SMCP: variants seen among roughly 807,000 people sequenced by gnomAD.
SMCP encodes sperm mitochondrial-associated cysteine-rich protein.
For missense variants in SMCP, 137 were observed against 137.1 expected (o/e 1.00, Z 0.01); for synonymous variants, 41 against 46.9 (o/e 0.87, Z 0.51).
chr1:152,879,499 G>A (rs559814290), intron 1 of SMCP, among the ~76,000 whole-genome samples: 1 of 152,168 alleles, frequency 6.6e-6, no homozygotes, highest in Non-Finnish European at 1.5e-5. Flanking sequence ...GGGACAACAG[G>A]TGTGAGCCAT....
intron 1 of SMCP, among the ~76,000 whole-genome samples, chr1:152,882,280 A>G (rs1359670570): frequency 2.0e-5 from 3 of 152,112 alleles, no homozygotes; most frequent in Non-Finnish European, 4.4e-5. Context: ...CCTCCCCCAG[A>G]AAGACTTTAA....
chr1:152,880,651 G>A (rs1326673524), intron 1 of SMCP, among the ~76,000 whole-genome samples: 1 of 152,080 alleles, frequency 6.6e-6, no homozygotes, highest in Non-Finnish European at 1.5e-5. Context: ...TCCTTTAGGA[G>A]TCTTTGCTCT....
intron 1 of SMCP, among the ~76,000 whole-genome samples, chr1:152,881,310 C>A (rs1649035014): frequency 6.6e-6 from 1 of 152,146 alleles, no homozygotes; most frequent in Admixed American, 6.5e-5. Flanking sequence ...AACCACCTGA[C>A]TGGAGAATCC....
intron 1 of SMCP, among the ~76,000 whole-genome samples, chr1:152,879,554 A>G (rs2101621634): frequency 6.6e-6 from 1 of 152,216 alleles, no homozygotes; most frequent in African/African-American, 2.4e-5. Flanking sequence ...CTCTTGCAGG[A>G]GGCAGAGGGG....
intron 1 of SMCP, among the ~76,000 whole-genome samples, chr1:152,881,338 GGAT>G (rs1257251423): frequency 2.6e-5 from 4 of 152,234 alleles, no homozygotes; most frequent in Admixed American, 6.5e-5. Flanking sequence ...CTTCAGGAGA[GGAT>G]GATACAGATT....
At chr1:152,878,855 T>C (rs1648948673) in intron 1 of SMCP, among the ~76,000 whole-genome samples, 1 of 152,164 alleles carries the variant, frequency 6.6e-6, no homozygotes, top group South Asian at 2.1e-4. Flanking sequence ...TCAGTGAGCA[T>C]GTGGGGACAG....
intron 1 of SMCP, among the ~76,000 whole-genome samples, chr1:152,882,451 G>A (rs1204239532): frequency 1.3e-5 from 2 of 152,170 alleles, no homozygotes; most frequent in East Asian, 3.9e-4. Flanking sequence ...ATAGGATAGA[G>A]GGCAAGTAGG....
At position 152,884,552 on chromosome 1, in the gene SMCP, C is replaced by A; in HGVS notation, c.130C>A (p.Gln44Lys). 1 of 1,614,122 alleles carries A rather than the reference C, an allele frequency of 6.2e-7. No homozygotes were observed. The highest frequency in any genetic ancestry group is 8.5e-7 in the Non-Finnish European group (1 of 1,180,014). ...CCCACCAAAACAGAACCAGTGCTGC[C>A]AGCCAAAAGGCAGTCAATGCTGCCC... is the stretch of plus-strand genomic sequence containing the variant. ...CCPPKQNQCC[Q>K]PKGSQCCPPK... The change falls in exon 2 of 2, where the codon CAG becomes AAG. Residue 44 changes from glutamine to lysine, a missense_variant. Coordinates refer to ENST00000368765, the MANE Select transcript of SMCP (RefSeq NM_030663.3).
rs141407380 is a variant in SMCP at position 152,884,031 on chromosome 1, T to C, written c.-20-372T>C. On this transcript the variant is annotated intron_variant, in intron 1 of 1. Coordinates refer to ENST00000368765, the MANE Select transcript of SMCP (RefSeq NM_030663.3). ...TATGAAGTGAAGTGGACTAAAAATG[T>C]CTACCTCAGGCTGGTAGCCGTTATA... Among the ~76,000 whole-genome samples, 46 of 152,314 alleles carry C rather than the reference T, an allele frequency of 3.0e-4. No homozygotes were observed. The East Asian group carries it at 8.7e-3, about 29-fold the overall frequency.
intron 1 of SMCP, among the ~76,000 whole-genome samples, chr1:152,879,152 G>A (rs901259405): frequency 6.6e-6 from 1 of 152,216 alleles, no homozygotes; most frequent in Non-Finnish European, 1.5e-5. Context: ...CCTGAGGCAG[G>A]CTGTGCACAG....
intron 1 of SMCP, among the ~76,000 whole-genome samples, chr1:152,879,774 G>A (rs911866391): frequency 6.6e-6 from 1 of 152,134 alleles, no homozygotes; most frequent in African/African-American, 2.4e-5. Context: ...GTCCTTCTCT[G>A]ATATTGCACA....
Position 152,884,410 on chromosome 1 carries a change from A to G in SMCP, c.-13A>G. 1 of 1,613,520 alleles carries G rather than the reference A, an allele frequency of 6.2e-7. No homozygotes were observed. Among genetic ancestry groups the G allele is most frequent in the Non-Finnish European group, 8.5e-7 (1 of 1,179,490 alleles). ...ATTATTTTCTTTTTCTAGTACCTCC[A>G]AGTGTTCAGAAGATGTGTGACCAGA... On this transcript the variant is annotated 5_prime_UTR_variant, in exon 2 of 2. Transcript: ENST00000368765.
chr1:152,878,856 G>A (rs1648948761), intron 1 of SMCP, among the ~76,000 whole-genome samples: 1 of 152,218 alleles, frequency 6.6e-6, no homozygotes, highest in Admixed American at 6.5e-5. Context: ...CAGTGAGCAT[G>A]TGGGGACAGA....
In SMCP at chr1:152,879,238, T is replaced by G. The variant is rs185249958; in HGVS notation, c.-21+792T>G. On this transcript the variant is annotated intron_variant, in intron 1 of 1. Transcript: ENST00000368765. ...TGTTTGTTTCTTTTTATTTATTTAT[T>G]GAGATGGAGTCTCACTCTGTCACCC... 2.7e-3 allele frequency among the ~76,000 whole-genome samples: 417 copies of G among 152,332 alleles called. 1 individual carries two copies. The highest frequency in any genetic ancestry group is 9.5e-3 in the African/African-American group (393 of 41,560).
chr1:152,884,437 A>G lies in SMCP; in HGVS notation c.15A>G (p.Thr5=). Residue 5 remains threonine (T), a synonymous_variant, in exon 2 of 2, where the codon ACA becomes ACG. Coordinates refer to ENST00000368765, the MANE Select transcript of SMCP (RefSeq NM_030663.3). ...GTGTTCAGAAGATGTGTGACCAGAC[A>G]AAACACAGTAAATGCTGCCCAGCAA... MCDQ[T]KHSKCCPAKG... 1 of 1,614,242 alleles carries G rather than the reference A, an allele frequency of 6.2e-7. No homozygotes were observed. The highest frequency in any genetic ancestry group is 8.5e-7 in the Non-Finnish European group (1 of 1,180,042).
In SMCP at chr1:152,884,935, T is replaced by C. The variant is rs570813317; in HGVS notation, c.*162T>C. 3.0e-5 allele frequency: 20 copies of C among 660,284 alleles called. No homozygotes were observed. Among genetic ancestry groups the C allele is most frequent in the Admixed American group, 5.9e-5 (2 of 33,924 alleles). The allele number at this position is 660,284 out of a possible 1,614,324, so 40.9% of individuals were successfully genotyped here. ...AGAGGCTCCTATTTCCCATCATAGC[T>C]CCCTACCCTAGGGAGGCCTCCATCT... On this transcript the variant is annotated 3_prime_UTR_variant, in exon 2 of 2. Coordinates refer to ENST00000368765, the MANE Select transcript of SMCP (RefSeq NM_030663.3).
chr1:152,879,517 G>A (rs1158993899), intron 1 of SMCP, among the ~76,000 whole-genome samples: 1 of 152,168 alleles, frequency 6.6e-6, no homozygotes, highest in African/African-American at 2.4e-5. Context: ...CATTGTGCCC[G>A]GCCAAGGAGA....
chr1:152,878,838 A>C (rs149876755), intron 1 of SMCP, among the ~76,000 whole-genome samples: 50 of 152,302 alleles, frequency 3.3e-4, no homozygotes, highest in African/African-American at 1.2e-3. Flanking sequence ...TCAGGTTTGA[A>C]CGATATTCAG....
At chr1:152,878,903 A>AT (rs1344572308) in intron 1 of SMCP, among the ~76,000 whole-genome samples, 1 of 152,198 alleles carries the variant, frequency 6.6e-6, no homozygotes. Flanking sequence ...GAAAGAGCAC[A>AT]TTCAAAGACC....
Sources: gnomAD v4.1 joint callset for allele counts (sites outside exome capture counted in the v4.1 genomes callset) on GRCh38, gnomAD v4.1.1 for gene constraint, MANE v1.5 for transcripts, NCBI Gene and HGNC (gene_info 2026-07-23, HGNC 2026-07-21) for gene names.